Variants in MZT1 observed in about 807,000 individuals in gnomAD.
The protein encoded by MZT1 is mitotic spindle organizing protein 1, also known as mitotic-spindle organizing protein 1.
MZT1 carries 8 observed loss-of-function variants against 8.5 expected under a neutral mutation model. That is an observed-to-expected ratio of 0.94 (90% CI 0.55 to 1.70). MZT1 has a LOEUF of 1.70. Among genes scored for constraint, MZT1 ranks in the 40% most tolerant of loss-of-function variants. MZT1 has a pLI of 0.00. For missense variants in MZT1, 93 were observed against 108.6 expected, an observed-to-expected ratio of 0.86 and a Z score of 0.64; for synonymous variants, 38 against 42.0, an observed-to-expected ratio of 0.90 and a Z score of 0.37.
intron 1 of MZT1, 55 bp downstream of exon 1, chr13:72,727,469 G>T: frequency 6.4e-7 from 1 of 1,564,042 alleles, no homozygotes. Flanking sequence ...TTCCCGCCTG[G>T]GGGCCTTGGC....
At chr13:72,724,923 G>A (rs2032631704) in intron 1 of MZT1, among the ~76,000 whole-genome samples, 1 of 148,598 alleles carries the variant, frequency 6.7e-6, no homozygotes, top group African/African-American at 2.5e-5. Context: ...GTGGTGGCGG[G>A]CGCCTATAAT....
chr13:72,724,026 A>T (rs1341465547), intron 1 of MZT1, among the ~76,000 whole-genome samples: 1 of 152,176 alleles, frequency 6.6e-6, no homozygotes, highest in Admixed American at 6.5e-5. Flanking sequence ...GATGGTTGAG[A>T]GCAAAGAAAA....
intron 1 of MZT1, among the ~76,000 whole-genome samples, chr13:72,722,459 G>A (rs1179594335): frequency 1.3e-5 from 2 of 152,078 alleles, no homozygotes; most frequent in African/African-American, 2.4e-5. Context: ...TTCCATGTTA[G>A]TTGCTCATGT....
At chr13:72,726,191 A>G (rs552065139) in intron 1 of MZT1, among the ~76,000 whole-genome samples, 1 of 152,278 alleles carries the variant, frequency 6.6e-6, no homozygotes, top group East Asian at 1.9e-4. Context: ...GCATTTTGGG[A>G]GGCCGAGGCA....
rs936111430 is a variant in MZT1 at position 72,716,841 on chromosome 13, T to G, written c.225+2111A>C. Among the ~76,000 whole-genome samples, 5 of 152,222 alleles carry G rather than the reference T, an allele frequency of 3.3e-5. No homozygotes were observed. The East Asian group carries it at 5.8e-4, about 18-fold the overall frequency. On this transcript the variant is annotated intron_variant, in intron 2 of 2. Coordinates refer to ENST00000377818, the MANE Select transcript of MZT1 (RefSeq NM_001071775.3). ...GAAAAAAGGTGGCCCTCTGGGAACC[T>G]GGTGGCAGCAGCAGTCCCATGGTCT...
In MZT1 at chr13:72,721,031, CG is replaced by C. The variant is rs549002683; in HGVS notation, c.80-1935del. On this transcript the variant is annotated intron_variant, in intron 1 of 2. Transcript: ENST00000377818. The stretch of plus-strand genomic sequence containing the variant: ...CTGCTAATTCTAACATCTGTGTGAT[CG>C]GGGGGGTGTTCGTTACAATTGACTG... 4.2e-3 allele frequency among the ~76,000 whole-genome samples: 637 copies of C among 151,934 alleles called. 1 individual carries two copies. The highest frequency in any genetic ancestry group is 7.6e-3 in the Non-Finnish European group (514 of 67,984).
intron 2 of MZT1, among the ~76,000 whole-genome samples, chr13:72,715,782 C>G (rs1048621832): frequency 6.6e-6 from 1 of 152,128 alleles, no homozygotes; most frequent in Non-Finnish European, 1.5e-5. Context: ...GCCTTCTCCC[C>G]CTTTGTTTCC....
chr13:72,724,998 G>A (rs1215838719), intron 1 of MZT1, among the ~76,000 whole-genome samples: 2 of 149,362 alleles, frequency 1.3e-5, no homozygotes, highest in Admixed American at 6.7e-5. Flanking sequence ...CCTGGGAGGC[G>A]GAGGTTGCAG....
chr13:72,727,554 T>TCGCCGCCGCGGCCGC lies in MZT1; in HGVS notation c.34_48dup (p.Ala12_Ala16dup). On this transcript the variant is annotated inframe_insertion, in exon 1 of 3. Coordinates refer to ENST00000377818, the MANE Select transcript of MZT1 (RefSeq NM_001071775.3). ...ATGGTCTCCCGCACCGCATTCAGATTCGCCGCCGCGGCCGCCGCCGCCGCC... is the reference window on the plus strand; with the variant it reads ...ATGGTCTCCCGCACCGCATTCAGATTCGCCGCCGCGGCCGCCGCCGCCGCGGCCGCCGCCGCCGCC... The TCGCCGCCGCGGCCGC allele has an allele frequency of 6.2e-7, 1 of 1,609,740 alleles. No individual in the cohort carries two copies. Among genetic ancestry groups the TCGCCGCCGCGGCCGC allele is most frequent in the African/African-American group, 1.3e-5 (1 of 74,994 alleles).
intron 1 of MZT1, 146 bp downstream of exon 1, chr13:72,727,378 C>A (rs1184381932): frequency 2.5e-6 from 2 of 795,042 alleles, no homozygotes; most frequent in African/African-American, 3.4e-5. Flanking sequence ...ATCAGCCCTG[C>A]GGCCCTGGCA....
At position 72,722,278 on chromosome 13, in the gene MZT1, A is replaced by G. The variant is rs538163815; in HGVS notation, c.80-3181T>C. Among the ~76,000 whole-genome samples the G allele has an allele frequency of 2.0e-5, 3 of 152,316 alleles. No homozygotes were observed. The East Asian group carries it at 5.8e-4, about 29-fold the overall frequency. On this transcript the variant is annotated intron_variant, in intron 1 of 2. Coordinates refer to ENST00000377818, the MANE Select transcript of MZT1 (RefSeq NM_001071775.3). Reference sequence around the variant, plus strand: ...TTTCACCATTCTCGAAAGTGAGGATAATAAGAGTACCTGTTTTAAAGGATT... The same window carrying G: ...TTTCACCATTCTCGAAAGTGAGGATGATAAGAGTACCTGTTTTAAAGGATT...
At chr13:72,724,743 C>T (rs7988740) in intron 1 of MZT1, among the ~76,000 whole-genome samples, 12,665 of 24,684 alleles carry the variant, frequency 0.51, 4,490 homozygotes, top group Non-Finnish European at 0.74. Context: ...TATATATACA[C>T]ATATATATAT....
At chr13:72,715,345 G>C (rs913153872) in intron 2 of MZT1, among the ~76,000 whole-genome samples, 15 of 149,840 alleles carry the variant, frequency 1.0e-4, no homozygotes, top group African/African-American at 2.9e-4. Flanking sequence ...TAAATAACTT[G>C]TTTTAGATTT....
chr13:72,726,563 A>G (rs2032661349), intron 1 of MZT1, among the ~76,000 whole-genome samples: 1 of 152,148 alleles, frequency 6.6e-6, no homozygotes, highest in Non-Finnish European at 1.5e-5. Context: ...ACTGCAAATA[A>G]CAACATCGAT....
intron 1 of MZT1, among the ~76,000 whole-genome samples, chr13:72,725,029 G>A (rs1410837412): frequency 6.8e-6 from 1 of 146,440 alleles, no homozygotes; most frequent in Non-Finnish European, 1.5e-5. Flanking sequence ...TCGCGCCACT[G>A]CACTCCAGCC....
intron 1 of MZT1, among the ~76,000 whole-genome samples, chr13:72,725,983 A>C (rs2032649760): frequency 6.6e-6 from 1 of 152,152 alleles, no homozygotes; most frequent in African/African-American, 2.4e-5. Context: ...ATAGAAAAAT[A>C]AGCTGAATAT....
chr13:72,723,414 A>C (rs1371042379), intron 1 of MZT1, among the ~76,000 whole-genome samples: 1 of 152,250 alleles, frequency 6.6e-6, no homozygotes, highest in East Asian at 1.9e-4. Context: ...GCAAAATCCA[A>C]AACTTATTAA....
intron 2 of MZT1, among the ~76,000 whole-genome samples, chr13:72,715,617 T>C (rs968650962): frequency 4.6e-5 from 7 of 152,190 alleles, no homozygotes; most frequent in Admixed American, 4.6e-4. Flanking sequence ...TGGGGCCTGG[T>C]GGGAGTTGAC....
chr13:72,709,400 C>CA lies in MZT1; in HGVS notation c.*921_*922insT, dbSNP rs2138003484. ...AGCAAGTATCTTTTGAAACACATCA[C>CA]CCATCTAATAATTTATTAAATAACC... On this transcript the variant is annotated 3_prime_UTR_variant, in exon 3 of 3. Coordinates refer to ENST00000377818, the MANE Select transcript of MZT1 (RefSeq NM_001071775.3). 1 of 151,912 alleles carries CA rather than the reference C, an allele frequency of 6.6e-6. No homozygotes were observed. The highest frequency in any genetic ancestry group is 2.1e-4 in the South Asian group (1 of 4,800). The allele number at this position is 151,912 out of a possible 1,614,324, so 9.4% of individuals were successfully genotyped here.
Sources: gnomAD v4.1 joint callset for allele counts (sites outside exome capture counted in the v4.1 genomes callset) on GRCh38, gnomAD v4.1.1 for gene constraint, MANE v1.5 for transcripts, NCBI Gene and HGNC (gene_info 2026-07-23, HGNC 2026-07-21) for gene names.